Variants in TLN2 observed in about 807,000 individuals in gnomAD.
TLN2 encodes the protein talin-2.
Under a neutral mutation model 294.7 loss-of-function variants are expected in TLN2, and 118 were observed. The ratio of observed to expected loss-of-function variants is 0.40; its 90% CI spans 0.34 to 0.47. The LOEUF is 0.47. TLN2 is among the 20% of genes least tolerant of loss of function. TLN2 has a pLI of 0.84. For synonymous variants in TLN2, 1,431 were observed against 1,304.5 expected (o/e 1.10, Z -2.09); for missense variants, 3,083 against 3,282.2 (o/e 0.94, Z 1.48).
intron 9 of TLN2, among the ~76,000 whole-genome samples, chr15:62,671,034 A>G (rs985785067): frequency 6.6e-6 from 1 of 152,344 alleles, no homozygotes; most frequent in Admixed American, 6.5e-5. Flanking sequence ...CCTGGTGGCT[A>G]ATAATGTTGA....
At chr15:62,654,013 T>TCA (rs1246377756) in intron 7 of TLN2, among the ~76,000 whole-genome samples, 8 of 152,234 alleles carry the variant, frequency 5.3e-5, no homozygotes, top group African/African-American at 1.9e-4. Flanking sequence ...GAAGAAGGAT[T>TCA]CAGTCAAGCT....
intron 1 of TLN2, among the ~76,000 whole-genome samples, chr15:62,400,185 A>C (rs1451078490): frequency 6.6e-6 from 1 of 152,162 alleles, no homozygotes; most frequent in East Asian, 1.9e-4. Context: ...CATGTGAAGA[A>C]GGACATGTTT....
At chr15:62,675,433 G>A in intron 11 of TLN2, 112 bp downstream of exon 11, 1 of 1,085,518 alleles carries the variant, frequency 9.2e-7, no homozygotes, top group Non-Finnish European at 1.3e-6. Flanking sequence ...GCATTTGCGG[G>A]TGGAACATCT....
At chr15:62,793,111 A>G (rs2065195120) in intron 46 of TLN2, among the ~76,000 whole-genome samples, 1 of 152,210 alleles carries the variant, frequency 6.6e-6, no homozygotes, top group African/African-American at 2.4e-5. Flanking sequence ...TGGTCAGGGG[A>G]GGCCTGGAGC....
chr15:62,614,074 T>A (rs999258605), intron 2 of TLN2, among the ~76,000 whole-genome samples: 15 of 152,156 alleles, frequency 9.9e-5, no homozygotes, highest in African/African-American at 3.6e-4. Context: ...GTATACAGAT[T>A]CTGAAACTTA....
chr15:62,737,752 G>A (rs1422867639), intron 29 of TLN2, among the ~76,000 whole-genome samples: 1 of 152,234 alleles, frequency 6.6e-6, no homozygotes, highest in East Asian at 1.9e-4. Flanking sequence ...ATGGCCCCAT[G>A]AGTCACTGAG....
intron 1 of TLN2, among the ~76,000 whole-genome samples, chr15:62,517,249 C>A (rs1422290405): frequency 6.6e-6 from 1 of 152,194 alleles, no homozygotes; most frequent in African/African-American, 2.4e-5. Context: ...CTTTACTACT[C>A]CTTAGGCTCA....
intron 2 of TLN2, among the ~76,000 whole-genome samples, chr15:62,592,795 A>G (rs1330514163): frequency 1.3e-5 from 2 of 152,222 alleles, no homozygotes; most frequent in Non-Finnish European, 1.5e-5. Flanking sequence ...AGGAATAAAC[A>G]TGATGCTTTA....
intron 16 of TLN2, among the ~76,000 whole-genome samples, chr15:62,699,408 G>A (rs536903517): frequency 6.6e-6 from 1 of 151,814 alleles, no homozygotes; most frequent in South Asian, 2.1e-4. Context: ...TGGATCTTGG[G>A]TAGGGCCTGA....
At chr15:62,553,232 A>T (rs1038815300) in intron 1 of TLN2, among the ~76,000 whole-genome samples, 1 of 152,084 alleles carries the variant, frequency 6.6e-6, no homozygotes, top group Non-Finnish European at 1.5e-5. Context: ...ACAGTGGCTC[A>T]CTCCTGTAAT....
chr15:62,669,185 C>T (rs182800779), intron 9 of TLN2, among the ~76,000 whole-genome samples: 2 of 152,286 alleles, frequency 1.3e-5, no homozygotes, highest in Admixed American at 6.5e-5. Context: ...TCATTTGATA[C>T]ATTTTACAAC....
At chr15:62,512,406 A>G (rs2039979622) in intron 1 of TLN2, among the ~76,000 whole-genome samples, 1 of 152,034 alleles carries the variant, frequency 6.6e-6, no homozygotes, top group East Asian at 1.9e-4. Context: ...CCCATTCTGG[A>G]TAACATATTG....
At chr15:62,701,271 T>C in intron 17 of TLN2, 57 bp downstream of exon 17, 1 of 1,378,282 alleles carries the variant, frequency 7.3e-7, no homozygotes, top group Non-Finnish European at 9.9e-7. Flanking sequence ...CTGTGTTTTT[T>C]TTTTTAATTT....
At chr15:62,409,943 T>A (rs1039709318) in intron 1 of TLN2, among the ~76,000 whole-genome samples, 3 of 152,210 alleles carry the variant, frequency 2.0e-5, no homozygotes, top group Non-Finnish European at 4.4e-5. Flanking sequence ...GAACCTTTAT[T>A]TTTAGAAATG....
chr15:62,690,055 C>A (rs1405901299), intron 12 of TLN2, among the ~76,000 whole-genome samples: 4 of 81,454 alleles, frequency 4.9e-5, no homozygotes, highest in Admixed American at 2.3e-4. Context: ...CGGGCAGAGG[C>A]GCCCCTCACC....
intron 1 of TLN2, among the ~76,000 whole-genome samples, chr15:62,584,094 A>G (rs4775516): frequency 0.17 from 25,167 of 152,306 alleles, 2,606 homozygotes; most frequent in East Asian, 0.39. Context: ...TGAGCTTTCA[A>G]CAATTATTTA....
chr15:62,829,581 A>G (rs1167332078), intron 54 of TLN2: 1 of 152,218 alleles, frequency 6.6e-6, no homozygotes, highest in Admixed American at 6.5e-5. Context: ...TCAGGCATGC[A>G]ATGTGAAATA....
rs549092702 is a variant in TLN2, at chr15:62,841,448, G to A, written c.*838G>A. 3 of 152,222 alleles carry A rather than the reference G, an allele frequency of 2.0e-5. No homozygotes were observed. The highest frequency in any genetic ancestry group is 7.2e-5 in the African/African-American group (3 of 41,534). The allele number at this position is 152,222 out of a possible 1,614,324, so 9.4% of individuals were successfully genotyped here. A position where few individuals can be genotyped will look rare whatever the true frequency, so the allele number is the denominator to read the frequency against. Reference sequence around the variant, plus strand: ...TGCTCGTCTCCTTAGCGTCCAGGGTGGGGATTCTGCTGGAATAAAGAGCTT... The same window carrying A: ...TGCTCGTCTCCTTAGCGTCCAGGGTAGGGATTCTGCTGGAATAAAGAGCTT... On this transcript the variant is annotated 3_prime_UTR_variant, in exon 59 of 59. Coordinates refer to ENST00000636159, the MANE Select transcript of TLN2 (RefSeq NM_015059.3).
At chr15:62,697,993 G>C in intron 15 of TLN2, 125 bp downstream of exon 15, 1 of 1,219,118 alleles carries the variant, frequency 8.2e-7, no homozygotes, top group Non-Finnish European at 1.1e-6. Flanking sequence ...ACCATGCCTC[G>C]TTCAGCTGTG....
Sources: allele counts gnomAD v4.1 joint callset (sites outside exome capture counted in the v4.1 genomes callset), GRCh38; gene constraint gnomAD v4.1.1; transcripts MANE v1.5; gene names NCBI Gene and HGNC (gene_info 2026-07-23, HGNC 2026-07-21).